The following PTPRN2 variants were observed in gnomAD, a reference collection of about 807,000 sequenced individuals.
PTPRN2 encodes protein tyrosine phosphatase receptor type N2, also known as receptor-type tyrosine-protein phosphatase N2.
In PTPRN2, 74 loss-of-function variants were observed where a neutral mutation model predicts 118.8. The observed-to-expected ratio is 0.62, with a 90% confidence interval of 0.52 to 0.76. The LOEUF (loss-of-function observed/expected upper bound fraction) is 0.76. Among genes scored for constraint, PTPRN2 ranks in the 30% least tolerant of loss-of-function variants. The pLI, the probability that PTPRN2 is intolerant of heterozygous loss-of-function variation, is 0.00. For missense variants in PTPRN2, 1,481 were observed against 1,394.4 expected, an observed-to-expected ratio of 1.06 and a Z score of -0.99; for synonymous variants, 641 against 608.0, an observed-to-expected ratio of 1.05 and a Z score of -0.80.
At chr7:158,459,669 C>A (rs1818823947) in intron 2 of PTPRN2, among the ~76,000 whole-genome samples, 1 of 152,248 alleles carries the variant, frequency 6.6e-6, no homozygotes, top group South Asian at 2.1e-4. Context: ...GCCGCTGTGG[C>A]TGCCCACATC....
chr7:158,451,210 A>G (rs1818076457), intron 2 of PTPRN2, among the ~76,000 whole-genome samples: 1 of 152,188 alleles, frequency 6.6e-6, no homozygotes, highest in Non-Finnish European at 1.5e-5. Flanking sequence ...GTGATTTGTC[A>G]GGGTCCTCTC....
At chr7:158,433,531 G>A (rs934253411) in intron 2 of PTPRN2, among the ~76,000 whole-genome samples, 12 of 152,176 alleles carry the variant, frequency 7.9e-5, no homozygotes, top group African/African-American at 2.9e-4. Context: ...AGCTGCTGAT[G>A]ATACGGATTG....
At chr7:158,158,803 A>G (rs71544544) in intron 6 of PTPRN2, among the ~76,000 whole-genome samples, 2 of 46,250 alleles carry the variant, frequency 4.3e-5, no homozygotes, top group African/African-American at 2.9e-4. Flanking sequence ...TGCTTCCTGA[A>G]TGAATGAGTG....
intron 1 of PTPRN2, among the ~76,000 whole-genome samples, chr7:158,508,861 G>A (rs538640987): frequency 1.5e-3 from 170 of 116,500 alleles, no homozygotes; most frequent in Middle Eastern, 8.1e-3. Flanking sequence ...GAGCAGGTGC[G>A]GAAGTGGCTC....
intron 14 of PTPRN2, among the ~76,000 whole-genome samples, chr7:157,637,845 A>G (rs1229771358): frequency 2.0e-5 from 3 of 152,258 alleles, no homozygotes; most frequent in African/African-American, 7.2e-5. Context: ...ATTCTGTGCC[A>G]ACGATGTACT....
intron 12 of PTPRN2, among the ~76,000 whole-genome samples, chr7:157,751,479 A>C (rs1218769302): frequency 6.6e-6 from 1 of 152,208 alleles, no homozygotes; most frequent in Admixed American, 6.5e-5. Context: ...GGCAGCTCGC[A>C]GGAGTGGCTG....
chr7:158,090,943 A>T (rs536435505), intron 10 of PTPRN2, among the ~76,000 whole-genome samples: 6 of 152,352 alleles, frequency 3.9e-5, no homozygotes, highest in Admixed American at 3.3e-4. Flanking sequence ...AACCACAGGA[A>T]AGAAAACACT....
At chr7:158,152,903 C>T (rs10240982) in intron 6 of PTPRN2, among the ~76,000 whole-genome samples, 13,599 of 48,806 alleles carry the variant, frequency 0.28, 1,935 homozygotes, top group East Asian at 0.44. Flanking sequence ...GACACCAGCA[C>T]GCCAGCAGGC....
At chr7:158,250,968 A>G (rs1230801051) in intron 3 of PTPRN2, among the ~76,000 whole-genome samples, 1 of 152,124 alleles carries the variant, frequency 6.6e-6, no homozygotes, top group African/African-American at 2.4e-5. Flanking sequence ...TGAGATGAGC[A>G]CATTTTTACT....
intron 12 of PTPRN2, among the ~76,000 whole-genome samples, chr7:157,847,350 C>G (rs1368349729): frequency 7.5e-6 from 1 of 133,958 alleles, no homozygotes; most frequent in Non-Finnish European, 1.6e-5. Context: ...ATTACATCTT[C>G]TGTGCCCGAT....
chr7:157,929,972 G>A lies in PTPRN2; in HGVS notation c.1724-31235C>T, dbSNP rs957369378. ...GGTCCAAGCCTGGACCTAGACACCC[G>A]TCCCAGCTCAGACGCTCAGCTCTGG... On this transcript the variant is annotated intron_variant, in intron 11 of 22. Coordinates refer to ENST00000389418, the MANE Select transcript of PTPRN2 (RefSeq NM_002847.5). The surrounding 1 kb of genome is among the most constrained non-coding windows in gnomAD (Gnocchi z 4.4). Among the ~76,000 whole-genome samples the A allele has an allele frequency of 5.3e-5, 8 of 152,178 alleles. No homozygotes were observed. The highest frequency in any genetic ancestry group is 3.2e-3 in the Middle Eastern group (1 of 316).
At chr7:158,536,226 T>C (rs1825635709) in intron 1 of PTPRN2, among the ~76,000 whole-genome samples, 1 of 152,228 alleles carries the variant, frequency 6.6e-6, no homozygotes, top group Admixed American at 6.5e-5. Flanking sequence ...CCTCCTCCTC[T>C]GGGTCCAGAC....
chr7:157,952,657 T>C (rs1343942135), intron 11 of PTPRN2, among the ~76,000 whole-genome samples: 1 of 152,096 alleles, frequency 6.6e-6, no homozygotes, highest in Non-Finnish European at 1.5e-5. Context: ...CCTGTATCTC[T>C]AGTAAATGTT....
chr7:158,393,399 G>A (rs1173929635), intron 2 of PTPRN2, among the ~76,000 whole-genome samples: 1 of 152,174 alleles, frequency 6.6e-6, no homozygotes, highest in Non-Finnish European at 1.5e-5. Flanking sequence ...GAGGGACTTC[G>A]CTCTGGGAGA....
At chr7:158,190,596 C>A (rs866337204) in intron 5 of PTPRN2, among the ~76,000 whole-genome samples, 1 of 152,310 alleles carries the variant, frequency 6.6e-6, no homozygotes, top group Middle Eastern at 3.4e-3. Context: ...CCACAGAGCC[C>A]TGTGACCCTG....
chr7:158,341,745 C>T (rs1806855851), intron 2 of PTPRN2, among the ~76,000 whole-genome samples: 1 of 145,776 alleles, frequency 6.9e-6, no homozygotes, highest in Admixed American at 6.8e-5. Context: ...ACGTCACTCA[C>T]ACCGACACTC....
chr7:157,555,824 T>C (rs1213233997), intron 21 of PTPRN2, among the ~76,000 whole-genome samples: 2 of 152,204 alleles, frequency 1.3e-5, no homozygotes, highest in Non-Finnish European at 2.9e-5. Context: ...ACTAAATGCA[T>C]TCAAATACAT....
At chr7:157,839,013 T>C in intron 12 of PTPRN2, among the ~76,000 whole-genome samples, 1 of 151,496 alleles carries the variant, frequency 6.6e-6, no homozygotes. Flanking sequence ...GCTACTCCAG[T>C]TCCTCTCGTA....
chr7:157,846,983 C>A (rs557647964), intron 12 of PTPRN2, among the ~76,000 whole-genome samples: 4 of 150,704 alleles, frequency 2.7e-5, no homozygotes, highest in East Asian at 4.0e-4. Context: ...CTCTCTCACT[C>A]CTTCATGTGT....
Sources: allele counts gnomAD v4.1 joint callset (sites outside exome capture counted in the v4.1 genomes callset), GRCh38; gene constraint gnomAD v4.1.1; non-coding constraint Gnocchi (gnomAD v3.1); transcripts MANE v1.5; gene names NCBI Gene and HGNC (gene_info 2026-07-23, HGNC 2026-07-21).